EPHA6: variants seen among roughly 807,000 people sequenced by gnomAD.
EPHA6 encodes EPH receptor A6, also known as ephrin type-A receptor 6.
In EPHA6, 50 loss-of-function variants were observed where a neutral mutation model predicts 112.0. That is an observed-to-expected ratio of 0.45 (90% confidence interval 0.36 to 0.56). The LOEUF (loss-of-function observed/expected upper bound fraction) is 0.56, where lower values mean the gene tolerates loss of function less well. Ranked by LOEUF, EPHA6 falls within the 20% of genes least tolerant of loss-of-function variation. The probability of loss-of-function intolerance (pLI) is 0.00; values close to 1 mark genes in which losing one functional copy is unlikely to be tolerated. For missense variants in EPHA6, 1,280 were observed against 1,417.4 expected (o/e 0.90, Z 1.56); for synonymous variants, 529 against 490.7 (o/e 1.08, Z -1.03).
intron 2 of EPHA6, among the ~76,000 whole-genome samples, chr3:96,973,564 A>G (rs2042397367): frequency 6.6e-6 from 1 of 151,854 alleles, no homozygotes; most frequent in African/African-American, 2.4e-5. Flanking sequence ...GCTCATGCCT[A>G]TAATCCCAGC....
intron 5 of EPHA6, among the ~76,000 whole-genome samples, chr3:97,388,431 A>G (rs549187066): frequency 7.2e-4 from 110 of 152,198 alleles, no homozygotes; most frequent in African/African-American, 2.6e-3. Context: ...GAGAAATGGG[A>G]CTCGAGGAGG....
intron 11 of EPHA6, among the ~76,000 whole-genome samples, chr3:97,554,508 G>T (rs1391792034): frequency 6.6e-6 from 1 of 151,992 alleles, no homozygotes; most frequent in Non-Finnish European, 1.5e-5. Flanking sequence ...AAAGAAACTT[G>T]TTTCTTGCTC....
chr3:97,290,844 T>C (rs2080656359), intron 5 of EPHA6, among the ~76,000 whole-genome samples: 1 of 152,046 alleles, frequency 6.6e-6, no homozygotes, highest in African/African-American at 2.4e-5. Context: ...AATAACTTTT[T>C]GTTTTGCTGA....
At chr3:97,467,026 C>G (rs754655575) in intron 7 of EPHA6, among the ~76,000 whole-genome samples, 2 of 151,776 alleles carry the variant, frequency 1.3e-5, no homozygotes, top group African/African-American at 4.8e-5. Context: ...CACCCTCCCC[C>G]TCTTGTCCTG....
At chr3:97,272,042 C>T (rs376533505) in intron 5 of EPHA6, among the ~76,000 whole-genome samples, 2 of 152,106 alleles carry the variant, frequency 1.3e-5, no homozygotes, top group African/African-American at 4.8e-5. Flanking sequence ...ATTTATCCTA[C>T]ATAACTACAA....
At position 97,417,291 on chromosome 3, in the gene EPHA6, G is replaced by A. The variant is rs1261389138; in HGVS notation, c.1731+12017G>A. ...AAGTCCTGTTGGGAATATATCTGAT[G>A]TATCTTTGGCCTCCCTGGAGAAAAG... On this transcript the variant is annotated intron_variant, in intron 6 of 17. Transcript: ENST00000389672. Among the ~76,000 whole-genome samples the A allele has an allele frequency of 5.9e-5, 9 of 152,166 alleles. No homozygotes were observed. The South Asian group carries it at 1.9e-3, about 32-fold the overall frequency.
chr3:97,747,391 T>C lies in EPHA6; in HGVS notation c.3129-32T>C, dbSNP rs528918256. On this transcript the variant is annotated intron_variant, in intron 16 of 17. Coordinates refer to ENST00000389672, the MANE Select transcript of EPHA6 (RefSeq NM_001080448.3). ...TGCTTTATTTGGCTTTTAAATGCTCTCCATGTTTTGTTTTGTTTTGTTTTC... is the reference window on the plus strand; with the variant it reads ...TGCTTTATTTGGCTTTTAAATGCTCCCCATGTTTTGTTTTGTTTTGTTTTC... The C allele has an allele frequency of 4.9e-5, 73 of 1,475,030 alleles. No homozygotes were observed. The South Asian group carries it at 9.9e-4, about 20-fold the overall frequency. 91.4% of individuals were successfully genotyped at this position (1,475,030 alleles called of 1,614,324 possible).
chr3:97,395,041 A>C (rs1265629858), intron 5 of EPHA6, among the ~76,000 whole-genome samples: 2 of 151,728 alleles, frequency 1.3e-5, no homozygotes, highest in African/African-American at 2.4e-5. Context: ...TCTGGGAATT[A>C]AGATGTGATA....
At chr3:97,588,310 C>T (rs2093510550) in intron 11 of EPHA6, among the ~76,000 whole-genome samples, 1 of 152,160 alleles carries the variant, frequency 6.6e-6, no homozygotes, top group South Asian at 2.1e-4. Context: ...TCTTCCTGCA[C>T]CACGTCAAAC....
chr3:97,087,534 A>AGGT (rs2046939794), intron 3 of EPHA6, among the ~76,000 whole-genome samples: 1 of 152,216 alleles, frequency 6.6e-6, no homozygotes, highest in Non-Finnish European at 1.5e-5. Flanking sequence ...CTAGCTAGGC[A>AGGT]GGTGGGTGTT....
intron 10 of EPHA6, among the ~76,000 whole-genome samples, chr3:97,498,904 T>C (rs2092049458): frequency 6.6e-6 from 1 of 152,194 alleles, no homozygotes; most frequent in Non-Finnish European, 1.5e-5. Flanking sequence ...CAGTTGCTCA[T>C]GCCAAAAAGG....
chr3:97,127,791 T>G (rs1449073830), intron 3 of EPHA6, among the ~76,000 whole-genome samples: 1 of 152,034 alleles, frequency 6.6e-6, no homozygotes, highest in Non-Finnish European at 1.5e-5. Flanking sequence ...GTGTCATATT[T>G]GGACATAGTG....
intron 14 of EPHA6, among the ~76,000 whole-genome samples, chr3:97,645,951 A>T (rs1161693321): frequency 2.6e-5 from 4 of 152,160 alleles, no homozygotes; most frequent in African/African-American, 9.7e-5. Flanking sequence ...AAAAATAAGA[A>T]GACATGATAG....
At chr3:97,087,298 G>A (rs1328390196) in intron 3 of EPHA6, among the ~76,000 whole-genome samples, 3 of 152,096 alleles carry the variant, frequency 2.0e-5, no homozygotes, top group African/African-American at 7.2e-5. Flanking sequence ...ACTTCTGATG[G>A]GGGTGTGTGT....
intron 1 of EPHA6, among the ~76,000 whole-genome samples, chr3:96,834,113 T>G (rs2034255232): frequency 1.3e-5 from 2 of 152,020 alleles, no homozygotes; most frequent in Admixed American, 1.3e-4. Flanking sequence ...GGAGGAAGAC[T>G]AAAAGAAAAC....
chr3:97,314,679 G>A (rs1161962462), intron 5 of EPHA6, among the ~76,000 whole-genome samples: 2 of 151,514 alleles, frequency 1.3e-5, no homozygotes, highest in Admixed American at 1.3e-4. Flanking sequence ...AAAAGTTGAT[G>A]GGAAGAAACA....
intron 3 of EPHA6, among the ~76,000 whole-genome samples, chr3:97,144,659 G>A (rs2108360409): frequency 6.6e-6 from 1 of 151,440 alleles, no homozygotes; most frequent in South Asian, 2.1e-4. Context: ...TTCTTCTACA[G>A]TGATTTTATC....
rs72920301 is a variant in EPHA6 at position 97,111,330 on chromosome 3, G to A, written c.1115-114934G>A. Among the ~76,000 whole-genome samples the A allele has an allele frequency of 8.2e-3, 1,248 of 152,194 alleles. 20 individuals carry two copies. Among genetic ancestry groups the A allele is most frequent in the African/African-American group, 0.022 (930 of 41,548 alleles). On this transcript the variant is annotated intron_variant, in intron 3 of 17. Transcript: ENST00000389672. Reference sequence around the variant, plus strand: ...TCTATTATTGTGGTGTTCATTTATTGTGTGAATTTTTTTTGCAATTGTATT... The same window carrying A: ...TCTATTATTGTGGTGTTCATTTATTATGTGAATTTTTTTTGCAATTGTATT...
chr3:97,551,134 T>C (rs2093023032), intron 11 of EPHA6, among the ~76,000 whole-genome samples: 1 of 152,182 alleles, frequency 6.6e-6, no homozygotes, highest in African/African-American at 2.4e-5. Context: ...ATTATAATTA[T>C]TTAGGTACAT....
Sources: allele counts gnomAD v4.1 joint callset (sites outside exome capture counted in the v4.1 genomes callset), GRCh38; gene constraint gnomAD v4.1.1; transcripts MANE v1.5; gene names NCBI Gene and HGNC (gene_info 2026-07-23, HGNC 2026-07-21).